The following GREB1L variants were observed in gnomAD, a reference collection of about 807,000 sequenced individuals.
GREB1L encodes the protein GREB1-like protein.
GREB1L carries 17 observed loss-of-function variants against 200.8 expected under a neutral mutation model. That is an observed-to-expected ratio of 0.08 (90% CI 0.06 to 0.13). The LOEUF is 0.13. GREB1L is among the 10% of genes least tolerant of loss of function. The probability of loss-of-function intolerance (pLI) is 1.00; values close to 1 mark genes in which losing one functional copy is unlikely to be tolerated. For missense variants in GREB1L, 1,657 were observed against 2,367.7 expected (o/e 0.70, Z 6.23); for synonymous variants, 789 against 893.0 (o/e 0.88, Z 2.08).
chr18:21,482,239 G>A (rs957196877), intron 17 of GREB1L, among the ~76,000 whole-genome samples: 31 of 152,144 alleles, frequency 2.0e-4, no homozygotes, highest in African/African-American at 6.5e-4. Context: ...TTGGAAAAAA[G>A]AAGTTGAAAG....
At chr18:21,378,300 T>C (rs542658318) in intron 2 of GREB1L, among the ~76,000 whole-genome samples, 2 of 152,340 alleles carry the variant, frequency 1.3e-5, no homozygotes, top group Admixed American at 6.5e-5. Context: ...CATTGGGATA[T>C]CAAGGGCAGA....
At chr18:21,302,594 A>G (rs2038635146) in intron 1 of GREB1L, among the ~76,000 whole-genome samples, 1 of 152,254 alleles carries the variant, frequency 6.6e-6, no homozygotes, top group South Asian at 2.1e-4. Flanking sequence ...ACACTGGGAC[A>G]TAGCGGCTTC....
intron 14 of GREB1L, 30 bp from the exon 15 acceptor site, chr18:21,454,336 T>TTA: frequency 6.8e-7 from 1 of 1,478,450 alleles, no homozygotes; most frequent in Non-Finnish European, 9.2e-7. Flanking sequence ...TAAATTAACC[T>TTA]TGTTCTTATG....
intron 15 of GREB1L, among the ~76,000 whole-genome samples, chr18:21,467,917 C>G (rs1475022991): frequency 6.6e-6 from 1 of 151,524 alleles, no homozygotes; most frequent in Non-Finnish European, 1.5e-5. Flanking sequence ...CCCAGCTACT[C>G]AGGAGGCTGA....
intron 1 of GREB1L, among the ~76,000 whole-genome samples, chr18:21,352,351 G>A (rs969077085): frequency 1.3e-5 from 2 of 151,920 alleles, no homozygotes; most frequent in Non-Finnish European, 2.9e-5. Flanking sequence ...TTTTGCAATA[G>A]CAAATGTCCA....
At chr18:21,338,795 CA>C (rs1234804495) in intron 1 of GREB1L, among the ~76,000 whole-genome samples, 1 of 152,240 alleles carries the variant, frequency 6.6e-6, no homozygotes, top group Non-Finnish European at 1.5e-5. Context: ...TACTTCTCAA[CA>C]AAGACTTTCC....
chr18:21,386,818 A>G (rs2040563702), intron 4 of GREB1L, among the ~76,000 whole-genome samples: 1 of 152,072 alleles, frequency 6.6e-6, no homozygotes, highest in Admixed American at 6.6e-5. Flanking sequence ...AGCTCTTTCA[A>G]TTGAACTCAT....
intron 1 of GREB1L, among the ~76,000 whole-genome samples, chr18:21,283,107 T>G (rs1428856192): frequency 6.6e-6 from 1 of 152,204 alleles, no homozygotes; most frequent in Non-Finnish European, 1.5e-5. Context: ...TCCACTTCAC[T>G]TAAACTTAAT....
At chr18:21,320,016 C>T (rs1381951790) in intron 1 of GREB1L, among the ~76,000 whole-genome samples, 2 of 152,178 alleles carry the variant, frequency 1.3e-5, no homozygotes, top group Non-Finnish European at 2.9e-5. Flanking sequence ...ACTTTAACTT[C>T]CACTTCTCTT....
Position 21,505,831 on chromosome 18 carries a change from T to C in GREB1L, c.4250T>C (p.Val1417Ala), listed in dbSNP as rs1377890742. The change falls in exon 25 of 33, where the codon GTT (valine) becomes GCT (alanine). Residue 1417 changes from valine (V) to alanine (A), a missense_variant. Val to Ala is a moderately conservative substitution (Grantham distance 64). Transcript: ENST00000424526. ...ACAGAAGTGATAAAGGAATCCAAAGTTGAAGAGCCCAGGAAACGGGAAACT... is the reference window on the plus strand; with the variant it reads ...ACAGAAGTGATAAAGGAATCCAAAGCTGAAGAGCCCAGGAAACGGGAAACT... Reference protein sequence around the residue: ...VKQEVIKESKVEEPRKRETVS... With the variant: ...VKQEVIKESKAEEPRKRETVS... The C allele has an allele frequency of 1.9e-6, 3 of 1,551,672 alleles. No homozygotes were observed. Among genetic ancestry groups the C allele is most frequent in the Non-Finnish European group, 2.6e-6 (3 of 1,146,984 alleles).
intron 27 of GREB1L, among the ~76,000 whole-genome samples, chr18:21,512,858 G>A (rs780837359): frequency 5.3e-5 from 8 of 152,098 alleles, no homozygotes; most frequent in Admixed American, 2.6e-4. Context: ...TTCTTGGAAG[G>A]TAGATTTTCC....
chr18:21,289,540 C>T (rs956222773), intron 1 of GREB1L, among the ~76,000 whole-genome samples: 3 of 151,366 alleles, frequency 2.0e-5, no homozygotes, highest in Non-Finnish European at 2.9e-5. Flanking sequence ...GAGACCATCC[C>T]CCCCCGCAAA....
chr18:21,452,013 C>A, intron 13 of GREB1L, 70 bp from the exon 14 acceptor site: 1 of 1,435,550 alleles, frequency 7.0e-7, no homozygotes, highest in South Asian at 1.3e-5. Flanking sequence ...AACTGCCCAA[C>A]TTGGGCAGTT....
At chr18:21,504,680 T>G (rs777053162) in intron 23 of GREB1L, among the ~76,000 whole-genome samples, 1 of 152,040 alleles carries the variant, frequency 6.6e-6, no homozygotes, top group Non-Finnish European at 1.5e-5. Context: ...TACAAAAACG[T>G]TAGCTGGGCA....
chr18:21,276,471 T>C (rs1478949830), intron 1 of GREB1L, among the ~76,000 whole-genome samples: 1 of 152,138 alleles, frequency 6.6e-6, no homozygotes, highest in Non-Finnish European at 1.5e-5. Context: ...CCAAATAAGC[T>C]CCTCTCCAGT....
At chr18:21,514,502 G>A (rs568720176) in intron 28 of GREB1L, among the ~76,000 whole-genome samples, 45 of 152,332 alleles carry the variant, frequency 3.0e-4, no homozygotes, top group Admixed American at 2.1e-3. Flanking sequence ...GTGACAGAGC[G>A]AGACTCTGTC....
intron 27 of GREB1L, among the ~76,000 whole-genome samples, 195 bp from the exon 28 acceptor site, chr18:21,513,626 A>T (rs1245213495): frequency 6.6e-6 from 1 of 152,234 alleles, no homozygotes; most frequent in Admixed American, 6.5e-5. Flanking sequence ...ATGGACTCTT[A>T]AGAATCTACA....
chr18:21,498,420 G>C (rs929716331), intron 21 of GREB1L, among the ~76,000 whole-genome samples: 3 of 152,120 alleles, frequency 2.0e-5, no homozygotes, highest in Non-Finnish European at 2.9e-5. Flanking sequence ...TTTTCTCTCT[G>C]AGAGCAGTTT....
In GREB1L at chr18:21,419,790, A is replaced by G. The variant is rs2031989925; in HGVS notation, c.832+15796A>G. Among the ~76,000 whole-genome samples the G allele has an allele frequency of 2.6e-5, 4 of 152,236 alleles. No homozygotes were observed. The South Asian group carries it at 8.3e-4, about 31-fold the overall frequency. On this transcript the variant is annotated intron_variant, in intron 7 of 32. Coordinates refer to ENST00000424526, the MANE Select transcript of GREB1L (RefSeq NM_001142966.3). The stretch of plus-strand genomic sequence containing the variant: ...CAAAAGCACAAAGACAATGCAATGA[A>G]GAACGGATAGCCTTTTCAGCAAATG...
Sources: gnomAD v4.1 joint callset for allele counts (sites outside exome capture counted in the v4.1 genomes callset) on GRCh38, gnomAD v4.1.1 for gene constraint, MANE v1.5 for transcripts, NCBI Gene and HGNC (gene_info 2026-07-23, HGNC 2026-07-21) for gene names.